Variants in GPHN observed in about 807,000 individuals in gnomAD.
GPHN encodes gephyrin.
GPHN carries 17 observed loss-of-function variants against 95.5 expected under a neutral mutation model. That is an observed-to-expected ratio of 0.18 (90% CI 0.12 to 0.27). The LOEUF (loss-of-function observed/expected upper bound fraction) is 0.27. GPHN is among the 10% of genes least tolerant of loss of function. GPHN has a pLI of 1.00. For missense variants in GPHN, 660 were observed against 978.1 expected (o/e 0.67, Z 4.34); for synonymous variants, 320 against 322.5 (o/e 0.99, Z 0.08).
chr14:67,114,351 C>G (rs752578499), intron 16 of GPHN, among the ~76,000 whole-genome samples: 32 of 152,066 alleles, frequency 2.1e-4, no homozygotes, highest in Admixed American at 3.9e-4. Context: ...TACTTACATG[C>G]TTTGTGCAAC....
At chr14:66,668,530 A>G (rs2066103182) in intron 1 of GPHN, among the ~76,000 whole-genome samples, 1 of 152,176 alleles carries the variant, frequency 6.6e-6, no homozygotes, top group African/African-American at 2.4e-5. Context: ...GTAACACAGG[A>G]GCAGAAAACC....
chr14:66,620,138 A>T (rs1415554671), intron 1 of GPHN, among the ~76,000 whole-genome samples: 1 of 152,106 alleles, frequency 6.6e-6, no homozygotes, highest in Non-Finnish European at 1.5e-5. Context: ...GTTCACACTT[A>T]CCCATGTGAT....
chr14:66,889,696 T>C (rs1198029206), intron 5 of GPHN, among the ~76,000 whole-genome samples: 1 of 151,784 alleles, frequency 6.6e-6, no homozygotes, highest in Non-Finnish European at 1.5e-5. Flanking sequence ...TGTATAACTA[T>C]AAGTTAAGAA....
downstream of GPHN, among the ~76,000 whole-genome samples, chr14:67,184,927 G>A (rs1425965131): frequency 6.6e-6 from 1 of 152,150 alleles, no homozygotes; most frequent in African/African-American, 2.4e-5. Flanking sequence ...AGAGAAGGGA[G>A]TGCAGGGTCC....
the GPHN span, among the ~76,000 whole-genome samples, chr14:67,657,624 C>CACACACA: frequency 7.2e-3 from 1,029 of 143,146 alleles, 5 homozygotes; most frequent in Middle Eastern, 0.019. Context: ...ACACACACAC[C>CACACACA]CAAAATCAAA....
chr14:67,094,283 A>T (rs2153672148), intron 12 of GPHN, among the ~76,000 whole-genome samples: 1 of 152,284 alleles, frequency 6.6e-6, no homozygotes, highest in Admixed American at 6.5e-5. Context: ...GGGTGAACAG[A>T]ACTAAAAGTG....
the GPHN span, chr14:67,690,326 T>C: frequency 6.2e-7 from 1 of 1,614,032 alleles, no homozygotes; most frequent in Non-Finnish European, 8.5e-7. Flanking sequence ...AAGTGGATCC[T>C]TCCCAGGTGA....
intron 3 of GPHN, among the ~76,000 whole-genome samples, chr14:66,814,353 A>C (rs559151612): frequency 2.0e-5 from 3 of 152,198 alleles, no homozygotes; most frequent in Admixed American, 6.5e-5. Context: ...ATCCCCCACC[A>C]GCTGTGTTGC....
At position 67,148,757 on chromosome 14, in the gene GPHN, A is replaced by G. The variant is rs377214879; in HGVS notation, c.1836+5308A>G. 7.5e-3 allele frequency among the ~76,000 whole-genome samples: 1,136 copies of G among 151,452 alleles called. 2 individuals are homozygous for G. Among genetic ancestry groups the G allele is most frequent in the Non-Finnish European group, 0.013 (883 of 67,754 alleles). ...TTGTTTTTGTATTTTTAGTAGAGAC[A>G]GGGTTTCACCATGTTAGCCAGGATG... is the stretch of plus-strand genomic sequence containing the variant. On this transcript the variant is annotated intron_variant, in intron 18 of 22. Coordinates refer to ENST00000478722, the MANE Select transcript of GPHN (RefSeq NM_020806.5).
At chr14:66,829,319 C>G (rs899398507) in intron 4 of GPHN, among the ~76,000 whole-genome samples, 3 of 152,084 alleles carry the variant, frequency 2.0e-5, no homozygotes, top group Admixed American at 6.5e-5. Context: ...AACTGCTGAC[C>G]TCAAGTGATC....
the GPHN span, among the ~76,000 whole-genome samples, chr14:67,721,462 G>C: frequency 6.6e-6 from 1 of 152,100 alleles, no homozygotes; most frequent in Non-Finnish European, 1.5e-5. Flanking sequence ...CCTAAGCTCA[G>C]TCTTGAACTT....
At chr14:66,643,886 G>C (rs1006206646) in intron 1 of GPHN, among the ~76,000 whole-genome samples, 3 of 151,226 alleles carry the variant, frequency 2.0e-5, no homozygotes, top group African/African-American at 7.3e-5. Context: ...GTTTTACTTC[G>C]ATCAGTTTAA....
intron 1 of GPHN, among the ~76,000 whole-genome samples, chr14:66,570,996 T>C (rs1005135904): frequency 3.3e-5 from 5 of 152,190 alleles, no homozygotes; most frequent in Non-Finnish European, 4.4e-5. Context: ...GAGTTCCTTA[T>C]ATATTCTGGA....
At chr14:67,219,316 G>A in the GPHN span, among the ~76,000 whole-genome samples, 1 of 152,182 alleles carries the variant, frequency 6.6e-6, no homozygotes, top group Non-Finnish European at 1.5e-5. Context: ...ACTCTGGGCA[G>A]ATCTAGTCCA....
chr14:67,042,590 A>G (rs1340788806), intron 10 of GPHN, among the ~76,000 whole-genome samples: 5 of 152,068 alleles, frequency 3.3e-5, no homozygotes, highest in Non-Finnish European at 7.4e-5. Context: ...TGGTCTGTAT[A>G]TCTGTTTTGG....
At chr14:66,620,458 G>T (rs2063243634) in intron 1 of GPHN, among the ~76,000 whole-genome samples, 1 of 152,162 alleles carries the variant, frequency 6.6e-6, no homozygotes, top group Non-Finnish European at 1.5e-5. Flanking sequence ...CAGGCAAAGA[G>T]TGAACCTGTG....
At chr14:66,531,630 G>C (rs568541702) in intron 1 of GPHN, among the ~76,000 whole-genome samples, 63 of 152,198 alleles carry the variant, frequency 4.1e-4, no homozygotes, top group Middle Eastern at 3.4e-3. Flanking sequence ...TTGTTTTTCT[G>C]TCTATGAGTG....
At chr14:67,600,077 C>G in the GPHN span, 3 of 1,592,756 alleles carry the variant, frequency 1.9e-6, no homozygotes, top group Middle Eastern at 1.7e-4. Context: ...CAGGTGACAG[C>G]GGTGAGCGAA....
intron 2 of GPHN, among the ~76,000 whole-genome samples, chr14:66,681,765 T>G (rs2066947016): frequency 1.3e-5 from 2 of 152,238 alleles, no homozygotes; most frequent in South Asian, 4.1e-4. Context: ...TTCTATTTCA[T>G]AAATTTTTTT....
Sources: allele counts gnomAD v4.1 joint callset (sites outside exome capture counted in the v4.1 genomes callset), GRCh38; gene constraint gnomAD v4.1.1; transcripts MANE v1.5; gene names NCBI Gene and HGNC (gene_info 2026-07-23, HGNC 2026-07-21).